LRP1B: variants seen among roughly 807,000 people sequenced by gnomAD.
LRP1B encodes the protein low-density lipoprotein receptor-related protein 1B.
Under a neutral mutation model 556.6 loss-of-function variants are expected in LRP1B, and 217 were observed. That is an observed-to-expected ratio of 0.39 (90% CI 0.35 to 0.44). The LOEUF is 0.44. LRP1B is among the 20% of genes least tolerant of loss of function. LRP1B has a pLI of 1.00. For missense variants in LRP1B, 5,053 were observed against 5,620.8 expected (o/e 0.90, Z 3.23); for synonymous variants, 2,047 against 1,865.8 (o/e 1.10, Z -2.50).
chr2:141,656,746 A>T (rs1462351871), intron 2 of LRP1B, among the ~76,000 whole-genome samples: 2 of 152,154 alleles, frequency 1.3e-5, no homozygotes, highest in Non-Finnish European at 2.9e-5. Flanking sequence ...TGAACATTTC[A>T]TATATATGTA....
At chr2:140,701,331 C>G (rs1187382019) in intron 40 of LRP1B, among the ~76,000 whole-genome samples, 1 of 152,028 alleles carries the variant, frequency 6.6e-6, no homozygotes, top group Non-Finnish European at 1.5e-5. Flanking sequence ...CCTTTGGGAT[C>G]ATAACCACTT....
chr2:140,993,894 G>T (rs546581336), intron 16 of LRP1B, 101 bp downstream of exon 16: 4 of 1,190,776 alleles, frequency 3.4e-6, no homozygotes, highest in East Asian at 2.4e-5. Flanking sequence ...GGTTCAATCT[G>T]CATCAAAGGT....
intron 2 of LRP1B, among the ~76,000 whole-genome samples, chr2:141,531,072 G>A (rs545710089): frequency 2.6e-5 from 4 of 151,494 alleles, no homozygotes; most frequent in Admixed American, 6.6e-5. Flanking sequence ...CTACTTAGAC[G>A]TGCCAGAAAA....
intron 3 of LRP1B, among the ~76,000 whole-genome samples, chr2:141,307,885 G>T (rs867799811): frequency 6.6e-6 from 1 of 152,294 alleles, no homozygotes; most frequent in African/African-American, 2.4e-5. Flanking sequence ...AGCAGGTGTG[G>T]CACGGGTGAT....
At chr2:140,248,612 A>G (rs1175330375) in intron 86 of LRP1B, among the ~76,000 whole-genome samples, 1 of 151,672 alleles carries the variant, frequency 6.6e-6, no homozygotes, top group African/African-American at 2.4e-5. Flanking sequence ...TAGGTAATGA[A>G]ATAGGGATAT....
chr2:141,955,895 C>G (rs1435614), intron 1 of LRP1B, among the ~76,000 whole-genome samples: 70,311 of 151,804 alleles, frequency 0.46, 16,499 homozygotes, highest in Admixed American at 0.53. Flanking sequence ...AAATTTTATA[C>G]ATAATCCATT....
intron 2 of LRP1B, among the ~76,000 whole-genome samples, chr2:141,698,707 C>T (rs537595516): frequency 1.3e-5 from 2 of 150,404 alleles, no homozygotes; most frequent in Non-Finnish European, 3.0e-5. Flanking sequence ...ATAGCAACTG[C>T]AGTATGTTTG....
intron 66 of LRP1B, among the ~76,000 whole-genome samples, chr2:140,427,647 T>C (rs1685718941): frequency 6.6e-6 from 1 of 152,148 alleles, no homozygotes; most frequent in South Asian, 2.1e-4. Flanking sequence ...CCAGGCATTC[T>C]TTTACACATC....
At chr2:141,010,792 A>T (rs2105381204) in intron 14 of LRP1B, among the ~76,000 whole-genome samples, 1 of 152,196 alleles carries the variant, frequency 6.6e-6, no homozygotes, top group East Asian at 1.9e-4. Flanking sequence ...CTGGGATTAC[A>T]GGCATTAGCC....
At chr2:141,189,060 C>T (rs1021737747) in intron 6 of LRP1B, among the ~76,000 whole-genome samples, 4 of 151,746 alleles carry the variant, frequency 2.6e-5, no homozygotes, top group African/African-American at 9.7e-5. Context: ...CTATAAGATT[C>T]CTTTGTTTGA....
chr2:140,582,031 T>C (rs980959831), intron 43 of LRP1B, among the ~76,000 whole-genome samples: 3 of 152,190 alleles, frequency 2.0e-5, no homozygotes, highest in South Asian at 4.1e-4. Context: ...AAGATTCTCA[T>C]GCGAATTATC....
At chr2:141,278,297 A>G (rs1300911394) in intron 3 of LRP1B, among the ~76,000 whole-genome samples, 1 of 152,168 alleles carries the variant, frequency 6.6e-6, no homozygotes, top group African/African-American at 2.4e-5. Flanking sequence ...GGTAGAACCC[A>G]GTACTCCAGG....
At chr2:140,885,974 G>T (rs572516611) in intron 24 of LRP1B, among the ~76,000 whole-genome samples, 164 bp downstream of exon 24, 15 of 151,994 alleles carry the variant, frequency 9.9e-5, no homozygotes, top group Non-Finnish European at 8.8e-5. Context: ...CCCCCAACAG[G>T]TGCTCACACA....
intron 1 of LRP1B, among the ~76,000 whole-genome samples, chr2:142,108,596 T>C (rs909638084): frequency 6.6e-6 from 1 of 152,226 alleles, no homozygotes; most frequent in Non-Finnish European, 1.5e-5. Context: ...ATATTTGCTT[T>C]CATGTGAAAT....
At chr2:141,762,685 T>C (rs964162028) in intron 2 of LRP1B, among the ~76,000 whole-genome samples, 4 of 152,180 alleles carry the variant, frequency 2.6e-5, no homozygotes, top group African/African-American at 9.7e-5. Flanking sequence ...GTATGTATAC[T>C]GTTTGTCCTT....
chr2:140,526,354 G>GA lies in LRP1B; in HGVS notation c.7763-5dup, dbSNP rs753461776. On this transcript the variant is annotated splice_region_variant and splice_polypyrimidine_tract_variant and intron_variant, in intron 47 of 90. Coordinates refer to ENST00000389484, the MANE Select transcript of LRP1B (RefSeq NM_018557.3). ...TCAACCGTGGCACAGGTTGAAACTA[G>GA]AAAAACAGGTACATAAACAAATGCA... The GA allele has an allele frequency of 6.4e-7, 1 of 1,573,684 alleles. No homozygotes were observed. The highest frequency in any genetic ancestry group is 1.7e-5 in the Admixed American group (1 of 59,638).
chr2:140,801,431 A>G (rs1447575461), intron 32 of LRP1B, among the ~76,000 whole-genome samples: 2 of 152,126 alleles, frequency 1.3e-5, no homozygotes, highest in Non-Finnish European at 2.9e-5. Context: ...ACCCGGATGT[A>G]GTGCACATGA....
At chr2:141,159,526 C>T (rs1702151684) in intron 7 of LRP1B, among the ~76,000 whole-genome samples, 1 of 151,942 alleles carries the variant, frequency 6.6e-6, no homozygotes, top group African/African-American at 2.4e-5. Context: ...ACAACTGCAC[C>T]CAGCTCAGGG....
chr2:140,387,314 C>G (rs1385303488), intron 66 of LRP1B, among the ~76,000 whole-genome samples: 2 of 152,138 alleles, frequency 1.3e-5, no homozygotes, highest in Non-Finnish European at 2.9e-5. Flanking sequence ...CTTAGGTATA[C>G]TTATGAAAAT....
Sources: allele counts gnomAD v4.1 joint callset (sites outside exome capture counted in the v4.1 genomes callset), GRCh38; gene constraint gnomAD v4.1.1; transcripts MANE v1.5; gene names NCBI Gene and HGNC (gene_info 2026-07-23, HGNC 2026-07-21).